The following ZMAT4 variants were observed in gnomAD, a reference collection of about 807,000 sequenced individuals.
ZMAT4 encodes the protein zinc finger matrin-type protein 4.
ZMAT4 carries 17 observed loss-of-function variants against 28.7 expected under a neutral mutation model. That is an observed-to-expected ratio of 0.59 (90% confidence interval 0.41 to 0.89). ZMAT4 has a LOEUF of 0.89. Among genes scored for constraint, ZMAT4 ranks in the 40% least tolerant of loss-of-function variants. The probability of loss-of-function intolerance (pLI) is 0.00; values close to 1 mark genes in which losing one functional copy is unlikely to be tolerated. For synonymous variants in ZMAT4, 117 were observed against 109.2 expected (o/e 1.07, Z -0.44); for missense variants, 240 against 283.8 (o/e 0.85, Z 1.11).
At chr8:40,805,197 A>G (rs1815027771) in intron 2 of ZMAT4, among the ~76,000 whole-genome samples, 1 of 151,998 alleles carries the variant, frequency 6.6e-6, no homozygotes, top group African/African-American at 2.4e-5. Context: ...AATGCTCACC[A>G]TCACTGGCCA....
chr8:40,756,450 A>ATACATATATATATAAAG (rs1812693093), intron 3 of ZMAT4, among the ~76,000 whole-genome samples: 1 of 130,612 alleles, frequency 7.7e-6, no homozygotes, highest in African/African-American at 2.8e-5. Flanking sequence ...ATATATATAT[A>ATACATATATATATAAAG]TATATATACA....
At chr8:40,777,661 G>T (rs1461337870) in intron 2 of ZMAT4, among the ~76,000 whole-genome samples, 1 of 152,242 alleles carries the variant, frequency 6.6e-6, no homozygotes, top group Admixed American at 6.5e-5. Flanking sequence ...GGGCCACAGA[G>T]AGATCACATG....
chr8:40,829,122 G>A (rs78110628), intron 1 of ZMAT4, among the ~76,000 whole-genome samples: 278 of 152,264 alleles, frequency 1.8e-3, no homozygotes, highest in African/African-American at 6.1e-3. Context: ...GGAAACATTC[G>A]TATTGTGCTG....
At chr8:40,554,338 TTAAC>T (rs1803456996) in intron 6 of ZMAT4, among the ~76,000 whole-genome samples, 1 of 152,050 alleles carries the variant, frequency 6.6e-6, no homozygotes, top group African/African-American at 2.4e-5. Flanking sequence ...CAAACAAAAA[TTAAC>T]TAAAGAGTTA....
intron 3 of ZMAT4, among the ~76,000 whole-genome samples, chr8:40,767,035 A>C (rs1283012472): frequency 6.6e-6 from 1 of 152,090 alleles, no homozygotes; most frequent in African/African-American, 2.4e-5. Flanking sequence ...TGCTGGGAGG[A>C]AGGAATATTT....
chr8:40,800,193 T>C (rs1468860936), intron 2 of ZMAT4, among the ~76,000 whole-genome samples: 3 of 152,270 alleles, frequency 2.0e-5, no homozygotes, highest in Admixed American at 2.0e-4. Context: ...CAAGAAGACA[T>C]AACAATCCTT....
chr8:40,800,906 A>T (rs1232416350), intron 2 of ZMAT4, among the ~76,000 whole-genome samples: 4 of 152,070 alleles, frequency 2.6e-5, no homozygotes, highest in African/African-American at 9.7e-5. Context: ...AGAAACAGAA[A>T]ATTATAGAGA....
At chr8:40,891,342 C>A (rs1189120711) in intron 1 of ZMAT4, among the ~76,000 whole-genome samples, 1 of 146,404 alleles carries the variant, frequency 6.8e-6, no homozygotes, top group East Asian at 2.0e-4. Flanking sequence ...ATGGTGGTCA[C>A]CACGTTGGCC....
chr8:40,676,449 G>A (rs1045994694), intron 4 of ZMAT4, among the ~76,000 whole-genome samples: 20 of 152,134 alleles, frequency 1.3e-4, no homozygotes, highest in Admixed American at 1.0e-3. Flanking sequence ...TCTCTGAGAT[G>A]TAGGATGCAG....
At chr8:40,882,103 A>T (rs892305957) in intron 1 of ZMAT4, among the ~76,000 whole-genome samples, 1 of 152,202 alleles carries the variant, frequency 6.6e-6, no homozygotes, top group Non-Finnish European at 1.5e-5. Context: ...CATGCCTCAG[A>T]AAAGTTCTGC....
chr8:40,826,773 C>G (rs995597818), intron 1 of ZMAT4, among the ~76,000 whole-genome samples: 1 of 152,106 alleles, frequency 6.6e-6, no homozygotes, highest in Non-Finnish European at 1.5e-5. Context: ...AAATTCCAAA[C>G]CCGGAATCAA....
chr8:40,653,776 A>G (rs1317137272), intron 5 of ZMAT4, among the ~76,000 whole-genome samples: 1 of 152,232 alleles, frequency 6.6e-6, no homozygotes, highest in African/African-American at 2.4e-5. Flanking sequence ...TAAATCAAAA[A>G]TATTTCATAC....
At chr8:40,764,952 C>T (rs1399053546) in intron 3 of ZMAT4, among the ~76,000 whole-genome samples, 2 of 152,042 alleles carry the variant, frequency 1.3e-5, no homozygotes, top group African/African-American at 2.4e-5. Flanking sequence ...CAGCCTCAGC[C>T]TCCTGAGGAG....
intron 5 of ZMAT4, among the ~76,000 whole-genome samples, chr8:40,673,730 A>T (rs896845164): frequency 6.6e-6 from 1 of 152,232 alleles, no homozygotes; most frequent in South Asian, 2.1e-4. Flanking sequence ...TATTCTATTT[A>T]GTCCCACAAA....
chr8:40,849,041 T>A (rs1016390935), intron 1 of ZMAT4, among the ~76,000 whole-genome samples: 1 of 152,216 alleles, frequency 6.6e-6, no homozygotes, highest in Non-Finnish European at 1.5e-5. Flanking sequence ...CAAGCTGCTG[T>A]CAGGCTGGAG....
At chr8:40,872,433 G>GT (rs1203892668) in intron 1 of ZMAT4, among the ~76,000 whole-genome samples, 1 of 152,124 alleles carries the variant, frequency 6.6e-6, no homozygotes, top group African/African-American at 2.4e-5. Flanking sequence ...GGGGGCCCCA[G>GT]TACCCCCCCC....
rs957243580 is a variant in ZMAT4, at chr8:40,872,439, C to A, written c.-5+25244G>T. ...GTAGGCCTCGGGGGCCCCAGTACCC[C>A]CCCCAACCCTGGAGAAGGAGAGTAA... is the stretch of plus-strand genomic sequence containing the variant. On this transcript the variant is annotated intron_variant, in intron 1 of 6. Transcript: ENST00000297737. 3.3e-5 allele frequency among the ~76,000 whole-genome samples: 5 copies of A among 152,172 alleles called. No homozygotes were observed. In the East Asian group the frequency reaches 9.7e-4, roughly 29 times the overall value.
chr8:40,596,786 G>T (rs569736568), intron 5 of ZMAT4, among the ~76,000 whole-genome samples: 85 of 152,146 alleles, frequency 5.6e-4, no homozygotes, highest in Non-Finnish European at 1.1e-3. Context: ...CAATAGAGTT[G>T]CCCATGTGCA....
At chr8:40,742,749 GCACACACACACACA>G (rs10533331) in intron 3 of ZMAT4, among the ~76,000 whole-genome samples, 3 of 5,576 alleles carry the variant, frequency 5.4e-4, no homozygotes, top group Non-Finnish European at 1.2e-3. Flanking sequence ...GTGCACGCAT[GCACACACACACACA>G]CACACACACA....
Sources: allele counts gnomAD v4.1 joint callset (sites outside exome capture counted in the v4.1 genomes callset), GRCh38; gene constraint gnomAD v4.1.1; transcripts MANE v1.5; gene names NCBI Gene and HGNC (gene_info 2026-07-23, HGNC 2026-07-21).